Variants in POF1B observed in about 807,000 individuals in gnomAD.
POF1B encodes protein POF1B.
In POF1B, 53 loss-of-function variants were observed where a neutral mutation model predicts 55.3. The ratio of observed to expected loss-of-function variants is 0.96; its 90% CI spans 0.77 to 1.20. The LOEUF (loss-of-function observed/expected upper bound fraction) is 1.20. POF1B is among the 50% of genes most tolerant of loss of function. The pLI, the probability that POF1B is intolerant of heterozygous loss-of-function variation, is 0.00. For missense variants in POF1B, 478 were observed against 420.5 expected (o/e 1.14, Z -1.20); for synonymous variants, 188 against 148.3 (o/e 1.27, Z -1.95).
intron 2 of POF1B, among the ~76,000 whole-genome samples, chrX:85,368,744 C>T (rs190766763): frequency 1.8e-3 from 199 of 111,227 alleles, no homozygotes; most frequent in African/African-American, 6.2e-3. Context: ...TCAATCTGTC[C>T]ATCATGCTGG....
intron 2 of POF1B, among the ~76,000 whole-genome samples, chrX:85,371,939 C>CT (rs766073050): frequency 8.9e-5 from 10 of 112,248 alleles, no homozygotes; most frequent in Non-Finnish European, 1.9e-4. Context: ...GAAGACCTTA[C>CT]TTTTTCTGAT....
intron 7 of POF1B, among the ~76,000 whole-genome samples, chrX:85,316,495 G>A (rs1056066479): frequency 9.0e-6 from 1 of 110,861 alleles, no homozygotes; most frequent in African/African-American, 3.3e-5. Flanking sequence ...CATTGATAGT[G>A]TTGTCTGGGG....
Position 85,345,928 on chromosome X carries a change from T to G in POF1B, c.655A>C (p.Asn219His). 3.3e-6 allele frequency: 4 copies of G among 1,208,614 alleles called. No homozygotes were observed. Among genetic ancestry groups the G allele is most frequent in the Non-Finnish European group, 4.5e-6 (4 of 893,740 alleles). Reference protein sequence around the residue: ...SSQQIQAITGNNPISTHIGNE... With the variant: ...SSQQIQAITGHNPISTHIGNE... ...CCAATATGTGTAGAAATTGGATTAT[T>G]TCCTGTGATGGCTTGGATTTGCTGG... Residue 219 changes from asparagine to histidine, a missense_variant, in exon 6 of 17, where the codon AAT becomes CAT. Transcript: ENST00000262753.
At chrX:85,282,090 T>C in intron 16 of POF1B, 113 bp downstream of exon 16, 1 of 925,856 alleles carries the variant, frequency 1.1e-6, no homozygotes, top group Non-Finnish European at 1.4e-6. Flanking sequence ...AAACAGAAAA[T>C]CTCAAAAGAA....
rs756174040 is a variant in POF1B at position 85,312,429 on chromosome X, G to A, written c.957+2003C>T. ...TTTCCCAGCATTATTTATTAAACAGGGAATCTTTTCCCCATTGCTTGTTTT... is the reference window on the plus strand; with the variant it reads ...TTTCCCAGCATTATTTATTAAACAGAGAATCTTTTCCCCATTGCTTGTTTT... On this transcript the variant is annotated intron_variant, in intron 9 of 16. Transcript: ENST00000262753. Among the ~76,000 whole-genome samples, 6 of 111,611 alleles carry A rather than the reference G, an allele frequency of 5.4e-5. No homozygotes were observed. The South Asian group carries it at 2.2e-3, about 41-fold the overall frequency.
At chrX:85,316,510 A>G (rs1311964634) in intron 7 of POF1B, among the ~76,000 whole-genome samples, 1 of 111,092 alleles carries the variant, frequency 9.0e-6, no homozygotes, top group Non-Finnish European at 1.9e-5. Context: ...CTGGGGCAAG[A>G]CATAGGCCTT....
At chrX:85,340,636 G>A (rs1038224809) in intron 6 of POF1B, among the ~76,000 whole-genome samples, 1 of 110,972 alleles carries the variant, frequency 9.0e-6, no homozygotes, top group African/African-American at 3.3e-5. Flanking sequence ...TGTGGTTGGT[G>A]AAGTTCTTAT....
intron 15 of POF1B, among the ~76,000 whole-genome samples, chrX:85,283,921 T>TA (rs1931971533): frequency 9.0e-6 from 1 of 110,742 alleles, no homozygotes; most frequent in African/African-American, 3.3e-5. Context: ...AAAAAAAATG[T>TA]AAAAAATCTC....
intron 7 of POF1B, among the ~76,000 whole-genome samples, 193 bp downstream of exon 7, chrX:85,330,756 A>G (rs1372529118): frequency 9.0e-6 from 1 of 111,680 alleles, no homozygotes; most frequent in Non-Finnish European, 1.9e-5. Context: ...AACATGGCGC[A>G]TGTATACATA....
Position 85,360,527 on chromosome X carries a change from G to GTATATATATATATA in POF1B, c.358-911_358-898dup, listed in dbSNP as rs142665633. ...ATGGCTGCCTAGTATTCCATGGTAT[G>GTATATATATATATA]TATATATATATATATATATATATAT... On this transcript the variant is annotated intron_variant, in intron 3 of 16. Transcript: ENST00000262753. Among the ~76,000 whole-genome samples, 84 of 58,503 alleles carry GTATATATATATATA rather than the reference G, an allele frequency of 1.4e-3. 3 individuals are homozygous for GTATATATATATATA. The highest frequency in any genetic ancestry group is 6.8e-3 in the African/African-American group (65 of 9,568). The allele number at this position is 58,503 out of a possible 115,157, so 50.8% of individuals were successfully genotyped here.
intron 7 of POF1B, among the ~76,000 whole-genome samples, chrX:85,320,954 C>T (rs1392477317): frequency 1.3e-4 from 14 of 109,733 alleles, no homozygotes; most frequent in Non-Finnish European, 5.7e-5. Context: ...TAATCAATAG[C>T]TTACCAACCA....
intron 6 of POF1B, among the ~76,000 whole-genome samples, 163 bp downstream of exon 6, chrX:85,345,694 GAGA>G (rs901798229): frequency 2.2e-4 from 24 of 111,379 alleles, no homozygotes; most frequent in Non-Finnish European, 5.7e-5. Context: ...TGTCTTCTGA[GAGA>G]AGATGGGAAG....
intron 9 of POF1B, among the ~76,000 whole-genome samples, chrX:85,313,645 T>C (rs1186590906): frequency 9.0e-6 from 1 of 111,037 alleles, no homozygotes; most frequent in East Asian, 2.8e-4. Context: ...TCCTTTTTTG[T>C]TCTGTCTCTG....
At chrX:85,317,988 A>G (rs1306764966) in intron 7 of POF1B, among the ~76,000 whole-genome samples, 1 of 111,869 alleles carries the variant, frequency 8.9e-6, no homozygotes, top group Non-Finnish European at 1.9e-5. Flanking sequence ...CAAATACTGC[A>G]TGTTCTCACT....
chrX:85,304,196 T>G (rs755884650), intron 14 of POF1B, 147 bp downstream of exon 14: 6 of 568,305 alleles, frequency 1.1e-5, no homozygotes, highest in Non-Finnish European at 9.7e-6. Flanking sequence ...TATATTCTAC[T>G]TCCTCACTTG....
chrX:85,307,416 G>T, intron 10 of POF1B, 140 bp from the exon 11 acceptor site: 1 of 404,781 alleles, frequency 2.5e-6, no homozygotes, highest in South Asian at 5.1e-5. Context: ...ATTCTTAAAA[G>T]TTAAGAAAAT....
At position 85,321,335 on chromosome X, in the gene POF1B, C is replaced by A. The variant is rs750728292; in HGVS notation, c.855-5601G>T. On this transcript the variant is annotated intron_variant, in intron 7 of 16. Transcript: ENST00000262753. The stretch of plus-strand genomic sequence containing the variant: ...TACAGCATATAAACAGAACCAAAGA[C>A]CAAAACCACATGATTATCTCAATAG... 1.6e-4 allele frequency among the ~76,000 whole-genome samples: 18 copies of A among 110,758 alleles called. No individual in the cohort carries two copies. The East Asian group carries it at 5.1e-3, about 32-fold the overall frequency.
At chrX:85,340,190 A>C (rs1481933203) in intron 6 of POF1B, among the ~76,000 whole-genome samples, 1 of 111,224 alleles carries the variant, frequency 9.0e-6, no homozygotes, top group Non-Finnish European at 1.9e-5. Flanking sequence ...GGGAGTCCAG[A>C]AAGACCGAGA....
intron 2 of POF1B, among the ~76,000 whole-genome samples, chrX:85,370,610 A>G (rs1406953299): frequency 9.0e-6 from 1 of 111,647 alleles, no homozygotes; most frequent in East Asian, 2.8e-4. Flanking sequence ...TACTTGCTAA[A>G]GAAAACCCCT....
Sources: allele counts gnomAD v4.1 joint callset (sites outside exome capture counted in the v4.1 genomes callset), GRCh38; gene constraint gnomAD v4.1.1; transcripts MANE v1.5; gene names NCBI Gene and HGNC (gene_info 2026-07-23, HGNC 2026-07-21).